The following SEPTIN14 variants were observed in gnomAD, a reference collection of about 807,000 sequenced individuals.
The protein encoded by SEPTIN14 is septin-14.
A neutral mutation model predicts 53.6 loss-of-function variants in SEPTIN14; 40 were observed. The ratio of observed to expected loss-of-function variants is 0.75; its 90% CI spans 0.58 to 0.97. The LOEUF is 0.97. Ranked by LOEUF, SEPTIN14 falls within the 50% of genes least tolerant of loss-of-function variation. SEPTIN14 has a pLI of 0.00. For missense variants in SEPTIN14, 471 were observed against 508.2 expected, an observed-to-expected ratio of 0.93 and a Z score of 0.70; for synonymous variants, 138 against 166.8, an observed-to-expected ratio of 0.83 and a Z score of 1.33.
At chr7:55,820,894 C>G (rs1253872394) in intron 6 of SEPTIN14, among the ~76,000 whole-genome samples, 2 of 151,872 alleles carry the variant, frequency 1.3e-5, no homozygotes, top group African/African-American at 4.8e-5. Flanking sequence ...GAGCTGAGAT[C>G]GCGCCATTAC....
intron 1 of SEPTIN14, 94 bp downstream of exon 1, chr7:55,862,594 T>C (rs1789769136): frequency 6.6e-6 from 1 of 152,274 alleles, no homozygotes; most frequent in Non-Finnish European, 1.5e-5. Flanking sequence ...TTTATTTACC[T>C]CTGTTAGTCC....
chr7:55,859,573 A>G (rs987751183), intron 2 of SEPTIN14, among the ~76,000 whole-genome samples: 3 of 152,120 alleles, frequency 2.0e-5, no homozygotes, highest in African/African-American at 7.2e-5. Context: ...TTTAATAGCT[A>G]AGATATGGAA....
intron 4 of SEPTIN14, 90 bp downstream of exon 4, chr7:55,844,433 G>A: frequency 1.8e-6 from 1 of 565,978 alleles, no homozygotes; most frequent in Non-Finnish European, 3.0e-6. Context: ...GGAAGAAAAG[G>A]TATTACTTAC....
At chr7:55,805,492 C>T (rs1243301860) in intron 8 of SEPTIN14, 102 bp from the exon 9 acceptor site, 4 of 762,148 alleles carry the variant, frequency 5.2e-6, no homozygotes, top group South Asian at 1.7e-5. Context: ...TGCCACTGCA[C>T]GTCAGCCTGG....
intron 7 of SEPTIN14, among the ~76,000 whole-genome samples, chr7:55,817,476 A>ATATTT (rs1554328559): frequency 5.6e-4 from 81 of 143,778 alleles, no homozygotes; most frequent in African/African-American, 1.9e-3. Flanking sequence ...ATATATATAT[A>ATATTT]TTTTTTTTTT....
At chr7:55,816,773 G>A (rs971447572) in intron 7 of SEPTIN14, among the ~76,000 whole-genome samples, 1 of 151,962 alleles carries the variant, frequency 6.6e-6, no homozygotes, top group Admixed American at 6.6e-5. Flanking sequence ...ACTCCAGCCT[G>A]GGCAACAAGA....
chr7:55,819,356 G>C, intron 6 of SEPTIN14, 133 bp from the exon 7 acceptor site: 1 of 648,800 alleles, frequency 1.5e-6, no homozygotes, highest in East Asian at 2.9e-5. Flanking sequence ...TTGGGAGGCC[G>C]AGGTGGGCGG....
intron 9 of SEPTIN14, among the ~76,000 whole-genome samples, chr7:55,799,660 T>A (rs553922320): frequency 1.2e-4 from 18 of 151,892 alleles, no homozygotes; most frequent in African/African-American, 4.1e-4. Flanking sequence ...TATCACTATA[T>A]AATAATAAAG....
At chr7:55,810,277 A>G (rs965432044) in intron 7 of SEPTIN14, among the ~76,000 whole-genome samples, 1 of 151,940 alleles carries the variant, frequency 6.6e-6, no homozygotes, top group African/African-American at 2.4e-5. Context: ...ATGCCTGTTC[A>G]GATCCTTTGC....
intron 5 of SEPTIN14, among the ~76,000 whole-genome samples, chr7:55,836,023 G>A (rs943226370): frequency 1.3e-5 from 2 of 152,176 alleles, no homozygotes; most frequent in Admixed American, 6.6e-5. Flanking sequence ...TTATAGGCAT[G>A]AGCCACCACA....
In SEPTIN14 at chr7:55,819,133, A is replaced by G. The variant is rs1483360651; in HGVS notation, c.811T>C (p.Leu271=). The G allele has an allele frequency of 4.5e-6, 7 of 1,572,024 alleles. 1 individual carries two copies. The South Asian group carries it at 5.8e-5, about 13-fold the overall frequency. The part of the protein sequence containing the change: ...VRGRHYPWGV[L]QVENENHCDF... ...TGCCCTCTGTCATTTTTACCTTGCA[A>G]AACTCCCCAAGGGTAGTGACGGCCT... Residue 271 remains leucine (L), a synonymous_variant, in exon 7 of 10, where the codon TTG becomes CTG. Coordinates refer to ENST00000388975, the MANE Select transcript of SEPTIN14 (RefSeq NM_207366.3).
chr7:55,824,102 C>T (rs1413349266), intron 6 of SEPTIN14, among the ~76,000 whole-genome samples: 3 of 152,130 alleles, frequency 2.0e-5, no homozygotes, highest in Admixed American at 6.6e-5. Flanking sequence ...ATCGATATAA[C>T]ACTGAAAACA....
intron 2 of SEPTIN14, among the ~76,000 whole-genome samples, chr7:55,847,613 AC>A (rs1562719118): frequency 6.6e-6 from 1 of 152,216 alleles, no homozygotes; most frequent in Non-Finnish European, 1.5e-5. Flanking sequence ...AATTTATCAA[AC>A]AAAGTGAAAA....
intron 5 of SEPTIN14, among the ~76,000 whole-genome samples, chr7:55,836,737 T>TCAA (rs58358966): frequency 0.054 from 8,249 of 152,008 alleles, 420 homozygotes; most frequent in East Asian, 0.24. Flanking sequence ...AAACTCCGTC[T>TCAA]CAACAACAAC....
rs1281030491 is a variant in SEPTIN14, at chr7:55,805,409, T to G, written c.987-19A>C. 1.3e-6 allele frequency: 2 copies of G among 1,526,422 alleles called. No individual in the cohort carries two copies. The highest frequency in any genetic ancestry group is 2.5e-5 in the South Asian group (2 of 81,610). The allele number at this position is 1,526,422 out of a possible 1,614,324, so 94.6% of individuals were successfully genotyped here. A position where few individuals can be genotyped will look rare whatever the true frequency, so the allele number is the denominator to read the frequency against. ...TTGAAAACTAAAGAGAAATGTTTTC[T>G]TAGTCTTATATTAAAATGAGGTAGG... is the stretch of plus-strand genomic sequence containing the variant. On this transcript the variant is annotated intron_variant, in intron 8 of 9. Coordinates refer to ENST00000388975, the MANE Select transcript of SEPTIN14 (RefSeq NM_207366.3).
At chr7:55,847,036 T>C (rs1789428023) in intron 2 of SEPTIN14, among the ~76,000 whole-genome samples, 1 of 151,912 alleles carries the variant, frequency 6.6e-6, no homozygotes, top group Admixed American at 6.6e-5. Context: ...AAATACAAAA[T>C]TAGCCGGGCA....
At chr7:55,799,208 A>G (rs1193344952) in intron 9 of SEPTIN14, among the ~76,000 whole-genome samples, 1 of 152,030 alleles carries the variant, frequency 6.6e-6, no homozygotes, top group Non-Finnish European at 1.5e-5. Context: ...CTAAAAGTGA[A>G]GGAATAGAAA....
In SEPTIN14 at chr7:55,798,706, C is replaced by T. The variant is rs537165165; in HGVS notation, c.1120-2614G>A. On this transcript the variant is annotated intron_variant, in intron 9 of 9. Transcript: ENST00000388975. ...GTCACCCCAACCAGGACAACTGGAC[C>T]GTCAGCCAGATCCTGGGCGAGTGGT... 1.9e-3 allele frequency: 470 copies of T among 249,622 alleles called. 1 individual carries two copies. Among genetic ancestry groups the T allele is most frequent in the Middle Eastern group, 3.2e-3 (2 of 630 alleles). The allele number at this position is 249,622 out of a possible 1,614,324, so 15.5% of individuals were successfully genotyped here. A position where few individuals can be genotyped will look rare whatever the true frequency, so the allele number is the denominator to read the frequency against.
At chr7:55,852,199 A>G (rs1789530286) in intron 2 of SEPTIN14, among the ~76,000 whole-genome samples, 3 of 152,056 alleles carry the variant, frequency 2.0e-5, no homozygotes, top group African/African-American at 7.2e-5. Flanking sequence ...CCTAAAATTT[A>G]TACGTACCCA....
Sources: gnomAD v4.1 joint callset for allele counts (sites outside exome capture counted in the v4.1 genomes callset) on GRCh38, gnomAD v4.1.1 for gene constraint, MANE v1.5 for transcripts, NCBI Gene and HGNC (gene_info 2026-07-23, HGNC 2026-07-21) for gene names.